The following ACVR1 variants were observed in gnomAD, a reference collection of about 807,000 sequenced individuals.
ACVR1 encodes the protein activin A receptor type 1.
ACVR1 carries 38 observed loss-of-function variants against 57.1 expected under a neutral mutation model. The observed-to-expected ratio is 0.67, with a 90% CI of 0.51 to 0.87. The LOEUF (loss-of-function observed/expected upper bound fraction) is 0.87, where lower values mean the gene tolerates loss of function less well. Ranked by LOEUF, ACVR1 falls within the 40% of genes least tolerant of loss-of-function variation. The probability of loss-of-function intolerance (pLI) is 0.00; values close to 1 mark genes in which losing one functional copy is unlikely to be tolerated. For missense variants in ACVR1, 463 were observed against 638.2 expected, an observed-to-expected ratio of 0.73 and a Z score of 2.96; for synonymous variants, 212 against 228.1, an observed-to-expected ratio of 0.93 and a Z score of 0.63.
chr2:157,813,058 C>G (rs1332608803), intron 2 of ACVR1, among the ~76,000 whole-genome samples: 1 of 152,028 alleles, frequency 6.6e-6, no homozygotes, highest in Non-Finnish European at 1.5e-5. Context: ...AATAGGTTTT[C>G]TTCATGGGGG....
intron 3 of ACVR1, among the ~76,000 whole-genome samples, chr2:157,792,245 A>G (rs950168539): frequency 2.0e-5 from 3 of 151,990 alleles, no homozygotes; most frequent in African/African-American, 7.3e-5. Flanking sequence ...TCCCATATAC[A>G]TATTCTCAGC....
intron 3 of ACVR1, among the ~76,000 whole-genome samples, chr2:157,789,221 C>G (rs1686822313): frequency 6.6e-6 from 1 of 152,180 alleles, no homozygotes; most frequent in Admixed American, 6.5e-5. Flanking sequence ...CAGGTAGAAA[C>G]AGAAAGCATC....
At chr2:157,768,291 T>C (rs1685946034) in intron 7 of ACVR1, among the ~76,000 whole-genome samples, 1 of 152,184 alleles carries the variant, frequency 6.6e-6, no homozygotes, top group Admixed American at 6.5e-5. Context: ...AAATGTGTTC[T>C]TGGACATTAG....
At chr2:157,745,757 A>G (rs550856655) in intron 9 of ACVR1, among the ~76,000 whole-genome samples, 2 of 152,340 alleles carry the variant, frequency 1.3e-5, no homozygotes, top group East Asian at 3.9e-4. Context: ...ACACAAAAGT[A>G]GGTAATTAAC....
At chr2:157,851,898 CACACACACACA>C (rs1689321118) in intron 1 of ACVR1, among the ~76,000 whole-genome samples, 1 of 103,094 alleles carries the variant, frequency 9.7e-6, no homozygotes. Context: ...CACACACACA[CACACACACACA>C]CCACCCCCAC....
intron 1 of ACVR1, among the ~76,000 whole-genome samples, chr2:157,841,872 A>G (rs188563062): frequency 1.3e-5 from 2 of 151,936 alleles, no homozygotes; most frequent in African/African-American, 2.4e-5. Flanking sequence ...AAATATTTTT[A>G]AAAAATTAGC....
Position 157,737,477 on chromosome 2 carries a change from C to A in ACVR1, c.*54G>T. 2 of 1,603,890 alleles carry A rather than the reference C, an allele frequency of 1.2e-6. No homozygotes were observed. Among genetic ancestry groups the A allele is most frequent in the South Asian group, 1.1e-5 (1 of 90,288 alleles). On this transcript the variant is annotated 3_prime_UTR_variant, in exon 11 of 11. Transcript: ENST00000434821. ...CAACCAGTCAGGCCAGCATTAGGTC[C>A]CAGCTGGACAATGACAACAACGTCA...
chr2:157,741,954 G>A (rs1305016834), intron 9 of ACVR1, among the ~76,000 whole-genome samples: 5 of 152,116 alleles, frequency 3.3e-5, no homozygotes, highest in Non-Finnish European at 5.9e-5. Flanking sequence ...CGGAGTGGGT[G>A]CATTCCAGGC....
At chr2:157,749,387 T>A (rs1266199555) in intron 9 of ACVR1, among the ~76,000 whole-genome samples, 1 of 152,186 alleles carries the variant, frequency 6.6e-6, no homozygotes, top group Non-Finnish European at 1.5e-5. Flanking sequence ...CAGATCAACA[T>A]AGGCCATCTA....
intron 9 of ACVR1, among the ~76,000 whole-genome samples, chr2:157,742,954 C>T (rs1041308159): frequency 2.0e-5 from 3 of 152,182 alleles, no homozygotes; most frequent in South Asian, 2.1e-4. Flanking sequence ...AGGAGTTCAC[C>T]GTGCCCCTCC....
intron 1 of ACVR1, among the ~76,000 whole-genome samples, chr2:157,870,271 A>T (rs1574171133): frequency 6.6e-6 from 1 of 152,094 alleles, no homozygotes; most frequent in African/African-American, 2.4e-5. Context: ...TCAAGGTTAT[A>T]TTTTGGAGGG....
At chr2:157,871,477 C>T (rs893901799) in intron 1 of ACVR1, among the ~76,000 whole-genome samples, 4 of 152,202 alleles carry the variant, frequency 2.6e-5, no homozygotes, top group African/African-American at 9.6e-5. Flanking sequence ...TTCAAAACAA[C>T]TTTCACCTAC....
At chr2:157,857,130 T>C (rs1017317433) in intron 1 of ACVR1, among the ~76,000 whole-genome samples, 2 of 152,014 alleles carry the variant, frequency 1.3e-5, no homozygotes, top group African/African-American at 4.8e-5. Context: ...CCCAGGAGGT[T>C]GAGGCTGCAG....
At chr2:157,853,707 CAT>C (rs1225975991) in intron 1 of ACVR1, among the ~76,000 whole-genome samples, 1 of 152,186 alleles carries the variant, frequency 6.6e-6, no homozygotes, top group East Asian at 1.9e-4. Flanking sequence ...GTCTTCATGA[CAT>C]AGCCATTACC....
chr2:157,837,792 T>G lies in ACVR1; in HGVS notation c.-182-19233A>C, dbSNP rs185461819. On this transcript the variant is annotated intron_variant, in intron 1 of 10. Transcript: ENST00000434821. ...GCTCATCAAGGAAAATGGGCAAAAGTAGGAGGAGAAGGAGGAGGAGGAGGA... is the reference window on the plus strand; with the variant it reads ...GCTCATCAAGGAAAATGGGCAAAAGGAGGAGGAGAAGGAGGAGGAGGAGGA... Among the ~76,000 whole-genome samples, 7 of 151,792 alleles carry G rather than the reference T, an allele frequency of 4.6e-5. No homozygotes were observed. The East Asian group carries it at 1.4e-3, about 30-fold the overall frequency.
chr2:157,758,900 G>A (rs1485746144), intron 9 of ACVR1, among the ~76,000 whole-genome samples: 1 of 151,988 alleles, frequency 6.6e-6, no homozygotes, highest in African/African-American at 2.4e-5. Context: ...CAACCACTGG[G>A]TCAATGAAGA....
At chr2:157,818,126 T>C (rs1688012722) in intron 2 of ACVR1, among the ~76,000 whole-genome samples, 1 of 152,060 alleles carries the variant, frequency 6.6e-6, no homozygotes, top group East Asian at 1.9e-4. Flanking sequence ...CTTGGCCAAA[T>C]TTAAAGAATA....
intron 1 of ACVR1, among the ~76,000 whole-genome samples, chr2:157,850,934 G>A (rs1162777735): frequency 6.6e-6 from 1 of 152,116 alleles, no homozygotes; most frequent in Non-Finnish European, 1.5e-5. Context: ...TCCAGTCTGG[G>A]CAACAGAGTA....
intron 5 of ACVR1, among the ~76,000 whole-genome samples, chr2:157,776,800 T>A (rs1686305879): frequency 1.3e-5 from 2 of 152,238 alleles, no homozygotes; most frequent in South Asian, 4.1e-4. Flanking sequence ...AGGGCAAGTG[T>A]AACTGCAGAA....
Sources: allele counts gnomAD v4.1 joint callset (sites outside exome capture counted in the v4.1 genomes callset), GRCh38; gene constraint gnomAD v4.1.1; transcripts MANE v1.5; gene names NCBI Gene and HGNC (gene_info 2026-07-23, HGNC 2026-07-21).